The following DAAM2 variants were observed in gnomAD, a reference collection of about 807,000 sequenced individuals.
The protein encoded by DAAM2 is disheveled-associated activator of morphogenesis 2.
A neutral mutation model predicts 120.7 loss-of-function variants in DAAM2; 39 were observed. The ratio of observed to expected loss-of-function variants is 0.32; its 90% CI spans 0.25 to 0.42. The LOEUF (loss-of-function observed/expected upper bound fraction) is 0.42. Among genes scored for constraint, DAAM2 ranks in the 10% least tolerant of loss-of-function variants. The probability of loss-of-function intolerance (pLI) is 1.00; values close to 1 mark genes in which losing one functional copy is unlikely to be tolerated. For missense variants in DAAM2, 1,283 were observed against 1,401.7 expected (o/e 0.92, Z 1.35); for synonymous variants, 488 against 524.9 (o/e 0.93, Z 0.96).
chr6:39,897,652 T>C (rs1766193563), intron 21 of DAAM2, among the ~76,000 whole-genome samples: 1 of 152,124 alleles, frequency 6.6e-6, no homozygotes, highest in African/African-American at 2.4e-5. Context: ...AGGCTCTGAG[T>C]GGTCCTCTGG....
At chr6:39,893,176 A>G (rs1765840351) in intron 19 of DAAM2, among the ~76,000 whole-genome samples, 1 of 152,244 alleles carries the variant, frequency 6.6e-6, no homozygotes, top group Non-Finnish European at 1.5e-5. Context: ...CTTAGCCATC[A>G]GAAAGGTTTA....
intron 1 of DAAM2, among the ~76,000 whole-genome samples, chr6:39,828,076 CA>C (rs1562008464): frequency 6.6e-6 from 1 of 152,240 alleles, no homozygotes; most frequent in Non-Finnish European, 1.5e-5. Flanking sequence ...AAGCACTGAG[CA>C]CAATGTTTGA....
intron 1 of DAAM2, among the ~76,000 whole-genome samples, chr6:39,828,854 G>A (rs1762776308): frequency 6.6e-6 from 1 of 152,124 alleles, no homozygotes; most frequent in African/African-American, 2.4e-5. Context: ...ATTCATGAAG[G>A]TAGAGCCATC....
In DAAM2 at chr6:39,898,926, G is replaced by A. The variant is rs1239016275; in HGVS notation, c.2668G>A (p.Ala890Thr). 2 of 1,611,864 alleles carry A rather than the reference G, an allele frequency of 1.2e-6. No individual in the cohort carries two copies. The highest frequency in any genetic ancestry group is 2.2e-5 in the South Asian group (2 of 90,304). The change falls in exon 22 of 25, where the codon GCG becomes ACG. Residue 890 changes from alanine to threonine, a missense_variant. Ala to Thr is a moderately conservative substitution (Grantham distance 58, BLOSUM62 0). This residue lies in a region of DAAM2 where 748 missense variants were observed against 768.6 expected (regional missense o/e 0.97). Coordinates refer to ENST00000274867, the MANE Select transcript of DAAM2 (RefSeq NM_001201427.2). ...GGGCAACCTCAGGAGGGGCCTGAGA[G>A]CGGTGGAGGTGGTGAGTACCTTGTC... Reference protein sequence around the residue: ...EVGNLRRGLRAVEVELEYQRR... With the variant: ...EVGNLRRGLRTVEVELEYQRR...
intron 1 of DAAM2, among the ~76,000 whole-genome samples, chr6:39,806,017 T>G (rs1762000426): frequency 6.6e-6 from 1 of 152,200 alleles, no homozygotes; most frequent in Non-Finnish European, 1.5e-5. Context: ...TAACATGTGG[T>G]CCTTACTCTC....
At chr6:39,897,126 G>T in intron 20 of DAAM2, 49 bp from the exon 21 acceptor site, 2 of 1,544,406 alleles carry the variant, frequency 1.3e-6, no homozygotes, top group Non-Finnish European at 1.8e-6. Flanking sequence ...TCTGACCCTC[G>T]TGCCCAGTTT....
At chr6:39,850,381 C>T (rs563834682) in intron 1 of DAAM2, among the ~76,000 whole-genome samples, 9 of 152,276 alleles carry the variant, frequency 5.9e-5, no homozygotes, top group South Asian at 2.1e-4. Context: ...AGGCTGGACC[C>T]GGTCCTCCTT....
intron 1 of DAAM2, among the ~76,000 whole-genome samples, chr6:39,843,345 G>A (rs902713516): frequency 6.6e-6 from 1 of 152,160 alleles, no homozygotes; most frequent in Non-Finnish European, 1.5e-5. Flanking sequence ...GATCAGGGTG[G>A]GGAGTAGTCC....
chr6:39,829,453 A>G (rs975121381), intron 1 of DAAM2, among the ~76,000 whole-genome samples: 1 of 152,194 alleles, frequency 6.6e-6, no homozygotes, highest in African/African-American at 2.4e-5. Context: ...AGGGTGATGG[A>G]CAGAACCCCA....
At chr6:39,897,563 A>G (rs1766184220) in intron 21 of DAAM2, among the ~76,000 whole-genome samples, 1 of 152,240 alleles carries the variant, frequency 6.6e-6, no homozygotes, top group Admixed American at 6.5e-5. Flanking sequence ...GAGACAGCCA[A>G]GACTGGCACC....
intron 1 of DAAM2, among the ~76,000 whole-genome samples, chr6:39,794,443 G>A (rs1347256127): frequency 6.6e-6 from 1 of 152,086 alleles, no homozygotes; most frequent in Non-Finnish European, 1.5e-5. Context: ...CCAGCGCCTC[G>A]GATGCTGAGG....
chr6:39,839,716 C>T lies in DAAM2; in HGVS notation c.-56-16531C>T, dbSNP rs150133584. Among the ~76,000 whole-genome samples the T allele has an allele frequency of 9.3e-3, 1,413 of 152,360 alleles. 13 individuals carry two copies. Among genetic ancestry groups the T allele is most frequent in the Middle Eastern group, 0.041 (12 of 294 alleles). ...AGAGCAAGTGTGAGGTGAGTCCACA[C>T]TGCCAGCAAATCGCAGGAGGCTCTG... On this transcript the variant is annotated intron_variant, in intron 1 of 24. Transcript: ENST00000274867.
chr6:39,891,811 A>T lies in DAAM2; in HGVS notation c.2341+89A>T, dbSNP rs866894603. The T allele has an allele frequency of 3.6e-5, 35 of 976,066 alleles. No homozygotes were observed. In the Middle Eastern group the frequency reaches 6.6e-4, roughly 18 times the overall value. The allele number at this position is 976,066 out of a possible 1,614,324, so 60.5% of individuals were successfully genotyped here. On this transcript the variant is annotated intron_variant, in intron 19 of 24. Transcript: ENST00000274867. ...GAGCCAGTGAATAGGGGCAGAGGGA[A>T]ACCCCTTTCTTATTCTCAACCCAAA...
chr6:39,873,833 A>G (rs1582713697), intron 10 of DAAM2, among the ~76,000 whole-genome samples: 2 of 152,240 alleles, frequency 1.3e-5, no homozygotes, highest in South Asian at 2.1e-4. Context: ...CAAATACCAA[A>G]TGTCAGCATC....
In DAAM2 at chr6:39,901,530, AC is replaced by A; in HGVS notation, c.2982+63del. 1 of 1,544,780 alleles carries A rather than the reference AC, an allele frequency of 6.5e-7. No individual in the cohort carries two copies. The highest frequency in any genetic ancestry group is 8.7e-7 in the Non-Finnish European group (1 of 1,146,166). On this transcript the variant is annotated intron_variant, in intron 24 of 24. Coordinates refer to ENST00000274867, the MANE Select transcript of DAAM2 (RefSeq NM_001201427.2). The surrounding 1 kb of genome is among the most constrained non-coding windows in gnomAD (Gnocchi z 4.5). Reference sequence around the variant, plus strand: ...GAGACGGGTGCTACTTGGGGAGAACACCCCCAAACTGGGGTGTGTGGGAGGA... The same window carrying A: ...GAGACGGGTGCTACTTGGGGAGAACACCCCAAACTGGGGTGTGTGGGAGGA...
Position 39,870,321 on chromosome 6 carries a change from C to G in DAAM2, c.874-19C>G. ...CTGAGATCTGCCAATGAGTCTGGCC[C>G]TCCCTTGGTGACCCCCAGGATAATC... On this transcript the variant is annotated intron_variant, in intron 7 of 24. Coordinates refer to ENST00000274867, the MANE Select transcript of DAAM2 (RefSeq NM_001201427.2). 6.7e-7 allele frequency: 1 copy of G among 1,494,174 alleles called. No individual in the cohort carries two copies. Among genetic ancestry groups the G allele is most frequent in the Non-Finnish European group, 9.2e-7 (1 of 1,091,998 alleles). 92.6% of individuals were successfully genotyped at this position (1,494,174 alleles called of 1,614,324 possible).
At chr6:39,846,263 G>A (rs1763586011) in intron 1 of DAAM2, among the ~76,000 whole-genome samples, 1 of 152,080 alleles carries the variant, frequency 6.6e-6, no homozygotes, top group Non-Finnish European at 1.5e-5. Context: ...AATCAATGGT[G>A]GTTGGATGAA....
intron 1 of DAAM2, among the ~76,000 whole-genome samples, chr6:39,831,657 G>A (rs1023619879): frequency 2.0e-5 from 3 of 148,382 alleles, no homozygotes; most frequent in African/African-American, 7.4e-5. Flanking sequence ...AGGTCAAGAG[G>A]CTTGTAAGAC....
At position 39,896,851 on chromosome 6, in the gene DAAM2, G is replaced by A. The variant is rs749927113; in HGVS notation, c.2381G>A (p.Arg794His). The A allele has an allele frequency of 1.1e-4, 175 of 1,612,664 alleles. No individual in the cohort carries two copies. Among genetic ancestry groups the A allele is most frequent in the Non-Finnish European group, 1.4e-4 (163 of 1,179,324 alleles). The stretch of plus-strand genomic sequence containing the variant: ...TCCCGGGAGCTGGTCCGCAGCAAGC[G>A]TCTTAGACAGATGCTAGAGGTCATC... Reference protein sequence around the residue: ...LASRELVRSKRLRQMLEVILA... With the variant: ...LASRELVRSKHLRQMLEVILA... Residue 794 changes from arginine to histidine, a missense_variant, in exon 20 of 25, where the codon CGT becomes CAT. Coordinates refer to ENST00000274867, the MANE Select transcript of DAAM2 (RefSeq NM_001201427.2).
Sources: gnomAD v4.1 joint callset for allele counts (sites outside exome capture counted in the v4.1 genomes callset) on GRCh38, gnomAD v4.1.1 for gene constraint, gnomAD v4.1.1 regional missense constraint, Gnocchi (gnomAD v3.1) non-coding constraint, MANE v1.5 for transcripts, NCBI Gene and HGNC (gene_info 2026-07-23, HGNC 2026-07-21) for gene names.